Variants in HKDC1 observed in about 807,000 individuals in gnomAD.
HKDC1 encodes the protein hexokinase domain containing 1.
A neutral mutation model predicts 96.6 loss-of-function variants in HKDC1; 66 were observed. That is an observed-to-expected ratio of 0.68 (90% CI 0.56 to 0.84). HKDC1 has a LOEUF of 0.84. Ranked by LOEUF, HKDC1 falls within the 40% of genes least tolerant of loss-of-function variation. The pLI is 0.00. For missense variants in HKDC1, 1,211 were observed against 1,208.1 expected (o/e 1.00, Z -0.04); for synonymous variants, 466 against 473.1 (o/e 0.98, Z 0.20).
At chr10:69,242,665 T>C (rs1843472625) in intron 6 of HKDC1, among the ~76,000 whole-genome samples, 1 of 152,212 alleles carries the variant, frequency 6.6e-6, no homozygotes, top group Admixed American at 6.5e-5. Flanking sequence ...AGCGATTTTG[T>C]GTTTGCATAA....
chr10:69,265,096 T>G (rs1843873045), intron 16 of HKDC1, among the ~76,000 whole-genome samples: 1 of 152,226 alleles, frequency 6.6e-6, no homozygotes, highest in Non-Finnish European at 1.5e-5. Flanking sequence ...GGGAAGAAAG[T>G]GCAGAGAATC....
rs750424095 is a variant in HKDC1, at chr10:69,250,607, G to A, written c.1791G>A (p.Leu597=). The change falls in exon 12 of 18, where the codon TTG becomes TTA. Residue 597 remains leucine, a synonymous_variant. Coordinates refer to ENST00000354624, the MANE Select transcript of HKDC1 (RefSeq NM_025130.4). ...GCCTCAAGGGAGCCTCCCTACCTTT[G>A]GGCTTCACATTCTCATTTCCCTGCA... ...YMGLKGASLP[L]GFTFSFPCRQ... is the part of the protein sequence containing the mutation. 1.2e-6 allele frequency: 2 copies of A among 1,613,964 alleles called. No homozygotes were observed. Among genetic ancestry groups the A allele is most frequent in the Admixed American group, 1.7e-5 (1 of 60,002 alleles).
chr10:69,227,408 C>T, intron 2 of HKDC1, 39 bp downstream of exon 2: 1 of 1,611,762 alleles, frequency 6.2e-7, no homozygotes, highest in Non-Finnish European at 8.5e-7. Flanking sequence ...CCTGGCTCCT[C>T]TTGGCTGATG....
At chr10:69,240,005 C>T (rs1267353779) in intron 5 of HKDC1, among the ~76,000 whole-genome samples, 1 of 152,174 alleles carries the variant, frequency 6.6e-6, no homozygotes, top group Non-Finnish European at 1.5e-5. Flanking sequence ...GAAATCCAGA[C>T]AGGAAGTCAC....
intron 4 of HKDC1, among the ~76,000 whole-genome samples, chr10:69,233,553 A>C (rs7082043): frequency 0.042 from 6,325 of 152,130 alleles, 421 homozygotes; most frequent in African/African-American, 0.14. Context: ...GAAACATGGG[A>C]AGGCTGGGGA....
At chr10:69,259,040 A>G in intron 15 of HKDC1, 81 bp downstream of exon 15, 2 of 1,144,234 alleles carry the variant, frequency 1.7e-6, no homozygotes, top group South Asian at 1.9e-5. Context: ...CATAGACAGC[A>G]TAGCTTTGTG....
rs774145826 is a variant in HKDC1 at position 69,258,875 on chromosome 10, T to A, written c.2132T>A (p.Phe711Tyr). 31 of 1,612,546 alleles carry A rather than the reference T, an allele frequency of 1.9e-5. No homozygotes were observed. The highest frequency in any genetic ancestry group is 2.6e-5 in the Non-Finnish European group (31 of 1,179,624). ...KMCINTEWGGFGDNGCIDDIW... is the reference protein window; with the variant it reads ...KMCINTEWGGYGDNGCIDDIW... ...TGCATCAATACAGAGTGGGGAGGAT[T>A]TGGAGACAATGGCTGCATAGATGAC... Residue 711 changes from phenylalanine (F) to tyrosine (Y), a missense_variant, in exon 15 of 18, where the codon TTT (phenylalanine) becomes TAT (tyrosine). Transcript: ENST00000354624.
At chr10:69,220,558 T>A (rs1455686308) in intron 1 of HKDC1, 60 bp downstream of exon 1, 1 of 1,256,842 alleles carries the variant, frequency 8.0e-7, no homozygotes, top group South Asian at 1.5e-5. Context: ...CAAAACTGAT[T>A]CCCTTAAAAA....
In HKDC1 at chr10:69,248,680, A is replaced by G; in HGVS notation, c.1522A>G (p.Thr508Ala). The change falls in exon 10 of 18, where the codon ACG becomes GCG. Residue 508 changes from threonine to alanine, a missense_variant. Thr to Ala is a moderately conservative substitution (Grantham distance 58). Transcript: ENST00000354624. ...GAAGAAGAAGAGCCACGGGCTGGCC[A>G]CGGTCAGGATGCTGCCCACCTACGT... ...GLKKKSHGLA[T>A]VRMLPTYVCG... 1 of 1,613,902 alleles carries G rather than the reference A, an allele frequency of 6.2e-7. No homozygotes were observed. Among genetic ancestry groups the G allele is most frequent in the Non-Finnish European group, 8.5e-7 (1 of 1,179,892 alleles).
At chr10:69,225,147 G>A (rs888228046) in intron 1 of HKDC1, among the ~76,000 whole-genome samples, 1 of 152,150 alleles carries the variant, frequency 6.6e-6, no homozygotes, top group Non-Finnish European at 1.5e-5. Flanking sequence ...AGTCGCAAAT[G>A]ACCCCAACTG....
intron 2 of HKDC1, chr10:69,232,523 C>G: frequency 1.8e-6 from 1 of 544,028 alleles, no homozygotes; most frequent in East Asian, 3.2e-5. Flanking sequence ...ATTCCTACAG[C>G]ATGAGCCAGT....
chr10:69,220,508 ACC>A lies in HKDC1; in HGVS notation c.63+12_63+13del, dbSNP rs775476882. 1,034 of 1,576,050 alleles carry A rather than the reference ACC, an allele frequency of 6.6e-4. 1 individual carries two copies. The highest frequency in any genetic ancestry group is 8.6e-4 in the Non-Finnish European group (1,005 of 1,162,406). ...GGACCAGATCAAGAAGGTAAGGAGG[ACC>A]CACGAAGCTGAGAGATGCCCAGCTC... On this transcript the variant is annotated intron_variant, in intron 1 of 17. Coordinates refer to ENST00000354624, the MANE Select transcript of HKDC1 (RefSeq NM_025130.4).
rs1367220430 is a variant in HKDC1, at chr10:69,257,377, G to A, written c.1983G>A (p.Met661Ile). The A allele has an allele frequency of 1.9e-6, 3 of 1,614,168 alleles. No individual in the cohort carries two copies. The highest frequency in any genetic ancestry group is 1.1e-5 in the South Asian group (1 of 91,088). The change falls in exon 14 of 18, where the codon ATG becomes ATA. Residue 661 changes from methionine to isoleucine, a missense_variant. Met to Ile is a conservative substitution (Grantham distance 10, BLOSUM62 1). Transcript: ENST00000354624. ...VAVVNDTVGT[M>I]MTCGYEDPNC... ...TCGTGAATGATACAGTGGGGACCAT[G>A]ATGACCTGTGGCTATGAAGATCCTA...
At chr10:69,240,560 G>A (rs865867473) in intron 5 of HKDC1, 92 bp from the exon 6 acceptor site, 1 of 1,027,426 alleles carries the variant, frequency 9.7e-7, no homozygotes, top group Non-Finnish European at 1.5e-6. Context: ...TGTCTCAGCA[G>A]CCACCTTCAC....
chr10:69,233,237 G>C lies in HKDC1; in HGVS notation c.495+104G>C, dbSNP rs1297427970. The C allele has an allele frequency of 4.8e-6, 7 of 1,469,682 alleles. No individual in the cohort carries two copies. In the East Asian group the frequency reaches 1.4e-4, roughly 29 times the overall value. The allele number at this position is 1,469,682 out of a possible 1,614,324, so 91.0% of individuals were successfully genotyped here. A position where few individuals can be genotyped will look rare whatever the true frequency, so the allele number is the denominator to read the frequency against. ...AGGAGAGAACAGCAGGAGCTTTCTT[G>C]TTTGTCTTTTTCTTTTCTTTTTGTT... is the stretch of plus-strand genomic sequence containing the variant. On this transcript the variant is annotated intron_variant, in intron 4 of 17. Transcript: ENST00000354624.
rs1051979002 is a variant in HKDC1, at chr10:69,266,630, A to C, written c.2627A>C (p.Glu876Ala). Residue 876 changes from glutamate (E) to alanine (A), a missense_variant, in exon 18 of 18, where the codon GAA (glutamate) becomes GCA (alanine). By Grantham distance (107) the Glu-to-Ala change is moderately radical. Coordinates refer to ENST00000354624, the MANE Select transcript of HKDC1 (RefSeq NM_025130.4). ...LHPHFSRILQETVKELAPRCD... is the reference protein window; with the variant it reads ...LHPHFSRILQATVKELAPRCD... ...CATAGCTTTTCTAGAATATTGCAGG[A>C]AACTGTGAAGGAACTAGCCCCTCGA... is the stretch of plus-strand genomic sequence containing the variant. 3 of 1,613,958 alleles carry C rather than the reference A, an allele frequency of 1.9e-6. No individual in the cohort carries two copies. The highest frequency in any genetic ancestry group is 2.5e-6 in the Non-Finnish European group (3 of 1,179,984).
chr10:69,252,973 CGTGTGTGTGTGTGTGTGTGTGT>C (rs57083436), intron 12 of HKDC1, among the ~76,000 whole-genome samples: 3 of 140,270 alleles, frequency 2.1e-5, no homozygotes, highest in South Asian at 4.8e-4. Context: ...CATCTCTAAA[CGTGTGTGTGTGTGTGTGTGTGT>C]GTGTGTGTGT....
At chr10:69,249,624 T>C (rs1843604213) in intron 10 of HKDC1, among the ~76,000 whole-genome samples, 4 of 152,074 alleles carry the variant, frequency 2.6e-5, no homozygotes, top group African/African-American at 9.7e-5. Flanking sequence ...GCCTCCCGAG[T>C]AGCTGGGACT....
intron 6 of HKDC1, 102 bp from the exon 7 acceptor site, chr10:69,243,080 C>A: frequency 8.3e-7 from 1 of 1,205,934 alleles, no homozygotes; most frequent in Non-Finnish European, 1.2e-6. Context: ...ATGAAAAGCA[C>A]TTTGTGGTAC....
Sources: gnomAD v4.1 joint callset for allele counts (sites outside exome capture counted in the v4.1 genomes callset) on GRCh38, gnomAD v4.1.1 for gene constraint, MANE v1.5 for transcripts, NCBI Gene and HGNC (gene_info 2026-07-23, HGNC 2026-07-21) for gene names.